PTH2R: variants seen among roughly 807,000 people sequenced by gnomAD.
PTH2R encodes the protein PTH2 receptor.
A neutral mutation model predicts 60.3 loss-of-function variants in PTH2R; 59 were observed. The ratio of observed to expected loss-of-function variants is 0.98; its 90% CI spans 0.79 to 1.22. The LOEUF (loss-of-function observed/expected upper bound fraction) is 1.22, where lower values mean the gene tolerates loss of function less well. Among genes scored for constraint, PTH2R ranks in the 50% most tolerant of loss-of-function variants. PTH2R has a pLI of 0.00. For synonymous variants in PTH2R, 256 were observed against 243.8 expected, an observed-to-expected ratio of 1.05 and a Z score of -0.47; for missense variants, 749 against 682.6, an observed-to-expected ratio of 1.10 and a Z score of -1.08.
chr2:208,362,219 C>T (rs1455950789), intron 1 of PTH2R, among the ~76,000 whole-genome samples: 5 of 152,166 alleles, frequency 3.3e-5, no homozygotes, highest in Non-Finnish European at 5.9e-5. Flanking sequence ...GATTCTCAGG[C>T]CTTTGGACTT....
chr2:208,442,502 G>A, intron 5 of PTH2R, 41 bp downstream of exon 5: 1 of 1,437,840 alleles, frequency 7.0e-7, no homozygotes, highest in Non-Finnish European at 9.8e-7. Context: ...GGGGCACATT[G>A]TCTTTCCTAT....
chr2:208,483,467 C>G (rs1478622384), intron 10 of PTH2R, among the ~76,000 whole-genome samples: 1 of 152,186 alleles, frequency 6.6e-6, no homozygotes, highest in East Asian at 1.9e-4. Flanking sequence ...TGAACTAATA[C>G]TTTTAGTAAA....
intron 12 of PTH2R, among the ~76,000 whole-genome samples, chr2:208,491,222 G>A (rs17718694): frequency 0.036 from 5,525 of 152,212 alleles, 118 homozygotes; most frequent in Non-Finnish European, 0.044. Context: ...CTTGCTGCAG[G>A]CCCCAGAAGT....
At chr2:208,375,922 C>T (rs1700783976) in intron 1 of PTH2R, among the ~76,000 whole-genome samples, 1 of 152,056 alleles carries the variant, frequency 6.6e-6, no homozygotes, top group South Asian at 2.1e-4. Flanking sequence ...TCCAGCACTT[C>T]TTTAGCATTC....
intron 8 of PTH2R, among the ~76,000 whole-genome samples, chr2:208,459,349 A>G (rs912718002): frequency 6.6e-6 from 1 of 152,190 alleles, no homozygotes; most frequent in African/African-American, 2.4e-5. Flanking sequence ...ACAGGATACT[A>G]ATCAATTACA....
chr2:208,445,089 T>A (rs1418819581), intron 7 of PTH2R, among the ~76,000 whole-genome samples: 2 of 152,230 alleles, frequency 1.3e-5, no homozygotes, highest in African/African-American at 4.8e-5. Context: ...GACAAACTTT[T>A]AAAGTTATTT....
chr2:208,420,804 A>T (rs1279778752), intron 1 of PTH2R, among the ~76,000 whole-genome samples: 3 of 152,224 alleles, frequency 2.0e-5, no homozygotes, highest in Non-Finnish European at 2.9e-5. Flanking sequence ...GGTTTTATAC[A>T]TACTTGTGTG....
intron 7 of PTH2R, among the ~76,000 whole-genome samples, chr2:208,448,799 A>T (rs1257365646): frequency 6.6e-6 from 1 of 151,804 alleles, no homozygotes; most frequent in African/African-American, 2.4e-5. Flanking sequence ...AATTCATATT[A>T]AGACTCGTGA....
intron 1 of PTH2R, among the ~76,000 whole-genome samples, chr2:208,412,749 G>C (rs568129481): frequency 6.6e-6 from 1 of 152,212 alleles, no homozygotes; most frequent in South Asian, 2.1e-4. Context: ...GCATACCAGA[G>C]ATTCATATTT....
chr2:208,476,000 T>C (rs983376340), intron 9 of PTH2R, among the ~76,000 whole-genome samples: 42 of 152,240 alleles, frequency 2.8e-4, no homozygotes, highest in Non-Finnish European at 1.9e-4. Context: ...AGCTAAATTT[T>C]TTTTAAATAA....
chr2:208,443,462 G>A lies in PTH2R; in HGVS notation c.624G>A (p.Lys208=), dbSNP rs144501572. The part of the protein sequence containing the change: ...DRVVHAHIGV[K]ELESLIMQDD... Reference sequence around the variant, plus strand: ...TAGTCCATGCTCACATAGGAGTAAAGGAGCTGGAGTCCCTAATAATGCAGG... The same window carrying A: ...TAGTCCATGCTCACATAGGAGTAAAAGAGCTGGAGTCCCTAATAATGCAGG... The change falls in exon 6 of 13, where the codon AAG becomes AAA. Residue 208 remains lysine, a synonymous_variant. Transcript: ENST00000272847. The A allele has an allele frequency of 6.2e-7, 1 of 1,613,836 alleles. No homozygotes were observed. The highest frequency in any genetic ancestry group is 1.7e-5 in the Admixed American group (1 of 59,974).
chr2:208,394,219 G>T (rs907708052), intron 1 of PTH2R, among the ~76,000 whole-genome samples: 1 of 152,208 alleles, frequency 6.6e-6, no homozygotes, highest in African/African-American at 2.4e-5. Context: ...CCCGAAGATA[G>T]TAAGAAGGGC....
At chr2:208,401,038 A>G (rs1701298864) in intron 1 of PTH2R, among the ~76,000 whole-genome samples, 1 of 152,228 alleles carries the variant, frequency 6.6e-6, no homozygotes, top group African/African-American at 2.4e-5. Context: ...GCTTATGATC[A>G]TTATGTGAAT....
At chr2:208,364,783 A>C (rs924842032) in intron 1 of PTH2R, among the ~76,000 whole-genome samples, 1 of 152,140 alleles carries the variant, frequency 6.6e-6, no homozygotes, top group Non-Finnish European at 1.5e-5. Context: ...TAATAATATT[A>C]AGTCTAATCC....
chr2:208,402,617 G>A (rs1701330640), upstream of PTH2R, among the ~76,000 whole-genome samples: 1 of 152,138 alleles, frequency 6.6e-6, no homozygotes, highest in Non-Finnish European at 1.5e-5. Flanking sequence ...TTAAAGGGTT[G>A]TTACTTATCT....
intron 9 of PTH2R, among the ~76,000 whole-genome samples, chr2:208,470,828 G>A (rs947224098): frequency 1.3e-5 from 2 of 152,158 alleles, no homozygotes; most frequent in East Asian, 1.9e-4. Context: ...ACAGGAAAAT[G>A]TGGGCAAGTT....
intron 6 of PTH2R, 88 bp from the exon 7 acceptor site, chr2:208,444,646 C>T: frequency 7.6e-7 from 1 of 1,318,878 alleles, no homozygotes; most frequent in Non-Finnish European, 1.0e-6. Flanking sequence ...GAAAAAGAAA[C>T]TGAAGACTTG....
At chr2:208,382,849 C>T (rs1225873925) in intron 1 of PTH2R, among the ~76,000 whole-genome samples, 2 of 152,228 alleles carry the variant, frequency 1.3e-5, no homozygotes. Flanking sequence ...CTGTGATATT[C>T]TCTGAGGCAC....
intron 12 of PTH2R, among the ~76,000 whole-genome samples, chr2:208,492,726 G>A (rs1379053817): frequency 1.3e-5 from 2 of 152,100 alleles, no homozygotes; most frequent in Non-Finnish European, 2.9e-5. Flanking sequence ...CTATCATCAG[G>A]TGTGTGCTGG....
Sources: gnomAD v4.1 joint callset for allele counts (sites outside exome capture counted in the v4.1 genomes callset) on GRCh38, gnomAD v4.1.1 for gene constraint, MANE v1.5 for transcripts, NCBI Gene and HGNC (gene_info 2026-07-23, HGNC 2026-07-21) for gene names.